Variants in ADGRB3 observed in about 807,000 individuals in gnomAD.
The protein encoded by ADGRB3 is brain-specific angiogenesis inhibitor 3.
In ADGRB3, 37 loss-of-function variants were observed where a neutral mutation model predicts 193.4. That is an observed-to-expected ratio of 0.19 (90% CI 0.15 to 0.25). The LOEUF (loss-of-function observed/expected upper bound fraction) is 0.25, where lower values mean the gene tolerates loss of function less well. Among genes scored for constraint, ADGRB3 ranks in the 10% least tolerant of loss-of-function variants. ADGRB3 has a pLI of 1.00. For synonymous variants in ADGRB3, 690 were observed against 644.2 expected (o/e 1.07, Z -1.08); for missense variants, 1,637 against 1,852.9 (o/e 0.88, Z 2.14).
chr6:68,939,398 A>G (rs942960141), intron 5 of ADGRB3, among the ~76,000 whole-genome samples: 1 of 152,060 alleles, frequency 6.6e-6, no homozygotes, highest in African/African-American at 2.4e-5. Context: ...ACTGCATACC[A>G]ATTACTAGCC....
In ADGRB3 at chr6:68,986,059, C is replaced by T. The variant is rs367857460; in HGVS notation, c.1735-7709C>T. ...CCTTTGCTCAGGATTGCAGTTTTGT[C>T]AAATTCTAGCCAAAAACTCTGAAAT... is the stretch of plus-strand genomic sequence containing the variant. On this transcript the variant is annotated intron_variant, in intron 10 of 31. Transcript: ENST00000370598. Among the ~76,000 whole-genome samples, 6 of 152,216 alleles carry T rather than the reference C, an allele frequency of 3.9e-5. No homozygotes were observed. In the East Asian group the frequency reaches 9.7e-4, roughly 24 times the overall value.
intron 26 of ADGRB3, among the ~76,000 whole-genome samples, chr6:69,348,860 G>T (rs1769164298): frequency 6.6e-6 from 1 of 152,174 alleles, no homozygotes; most frequent in African/African-American, 2.4e-5. Flanking sequence ...AATCATAAAA[G>T]GTTGGAAATT....
rs138453034 is a variant in ADGRB3, at chr6:68,669,804, G to C, written c.757+30372G>C. Reference sequence around the variant, plus strand: ...TTCTTTTGGGTATATACCCAACAGTGAATATGGTAGCTCAATTTTTAGATT... The same window carrying C: ...TTCTTTTGGGTATATACCCAACAGTCAATATGGTAGCTCAATTTTTAGATT... On this transcript the variant is annotated intron_variant, in intron 3 of 31. Transcript: ENST00000370598. Among the ~76,000 whole-genome samples, 3 of 151,838 alleles carry C rather than the reference G, an allele frequency of 2.0e-5. No homozygotes were observed. The East Asian group carries it at 5.8e-4, about 30-fold the overall frequency.
intron 6 of ADGRB3, among the ~76,000 whole-genome samples, chr6:68,946,231 C>T (rs1319545933): frequency 1.3e-5 from 2 of 151,854 alleles, no homozygotes; most frequent in South Asian, 2.1e-4. Flanking sequence ...AAAAAATCGA[C>T]GTTATGATTT....
At chr6:69,310,802 G>A (rs997584929) in intron 20 of ADGRB3, among the ~76,000 whole-genome samples, 10 of 151,540 alleles carry the variant, frequency 6.6e-5, no homozygotes, top group Non-Finnish European at 1.5e-4. Context: ...AGGAAACCAT[G>A]GTAAAGAAAA....
intron 16 of ADGRB3, among the ~76,000 whole-genome samples, chr6:69,073,674 A>G (rs1328743663): frequency 1.3e-5 from 2 of 152,118 alleles, no homozygotes; most frequent in Non-Finnish European, 2.9e-5. Flanking sequence ...TATACTGCAC[A>G]GGCCTTGGAA....
intron 17 of ADGRB3, among the ~76,000 whole-genome samples, chr6:69,148,423 ACT>A (rs1774568921): frequency 6.6e-6 from 1 of 151,988 alleles, no homozygotes. Context: ...ACTAATAAAA[ACT>A]CTACATTTTA....
intron 17 of ADGRB3, among the ~76,000 whole-genome samples, chr6:69,167,275 A>G (rs972188880): frequency 7.9e-5 from 12 of 152,144 alleles, no homozygotes; most frequent in Non-Finnish European, 1.8e-4. Flanking sequence ...GGATTTTGAG[A>G]ATCAGTTTAA....
intron 5 of ADGRB3, among the ~76,000 whole-genome samples, chr6:68,940,757 T>G (rs1352643318): frequency 1.3e-5 from 2 of 151,874 alleles, no homozygotes; most frequent in African/African-American, 4.8e-5. Flanking sequence ...CCAGACGTGG[T>G]GCCGCGCGCC....
intron 3 of ADGRB3, among the ~76,000 whole-genome samples, chr6:68,738,540 G>A (rs1363212266): frequency 6.6e-6 from 1 of 152,154 alleles, no homozygotes; most frequent in East Asian, 1.9e-4. Flanking sequence ...TGGCTAGAGG[G>A]AGAAGGTCGT....
At chr6:69,140,786 T>TA (rs1774314466) in intron 17 of ADGRB3, among the ~76,000 whole-genome samples, 3 of 152,078 alleles carry the variant, frequency 2.0e-5, no homozygotes, top group Admixed American at 2.0e-4. Flanking sequence ...ATCTACTATG[T>TA]ACCCACAAAA....
chr6:68,874,567 G>C (rs1229330649), intron 3 of ADGRB3, among the ~76,000 whole-genome samples: 2 of 152,008 alleles, frequency 1.3e-5, no homozygotes, highest in East Asian at 3.9e-4. Context: ...TTGGTAAAAT[G>C]CTATTTTACT....
At chr6:68,988,412 C>G (rs1464578977) in intron 10 of ADGRB3, among the ~76,000 whole-genome samples, 8 of 152,014 alleles carry the variant, frequency 5.3e-5, no homozygotes, top group Non-Finnish European at 8.8e-5. Flanking sequence ...AAGACAGAAT[C>G]CATGATTATT....
intron 6 of ADGRB3, among the ~76,000 whole-genome samples, chr6:68,950,604 C>A (rs1305960895): frequency 6.6e-6 from 1 of 152,060 alleles, no homozygotes; most frequent in East Asian, 1.9e-4. Flanking sequence ...CTAGTCTAAC[C>A]CAGTTCAATA....
Position 69,152,777 on chromosome 6 carries a change from T to C in ADGRB3, c.2480+76739T>C, listed in dbSNP as rs150820752. Among the ~76,000 whole-genome samples the C allele has an allele frequency of 9.5e-3, 1,443 of 152,318 alleles. 26 individuals are homozygous for C. Among genetic ancestry groups the C allele is most frequent in the African/African-American group, 0.033 (1,377 of 41,566 alleles). ...AATTTTATATACTACTTTACAACAG[T>C]CTTTGGTTGAATGTCCAAAAAGCAG... On this transcript the variant is annotated intron_variant, in intron 17 of 31. Transcript: ENST00000370598.
chr6:69,275,027 CA>C (rs1458502064), intron 20 of ADGRB3, among the ~76,000 whole-genome samples: 4 of 152,282 alleles, frequency 2.6e-5, no homozygotes, highest in African/African-American at 9.6e-5. Flanking sequence ...CCCCCTACCA[CA>C]GCCCACCCAA....
At chr6:69,030,003 C>CACAT (rs754945190) in intron 13 of ADGRB3, among the ~76,000 whole-genome samples, 6 of 147,818 alleles carry the variant, frequency 4.1e-5, no homozygotes, top group Non-Finnish European at 6.1e-5. Flanking sequence ...CACACACACA[C>CACAT]ATATATATAT....
At chr6:69,262,994 T>C (rs749874211) in intron 20 of ADGRB3, among the ~76,000 whole-genome samples, 1 of 151,972 alleles carries the variant, frequency 6.6e-6, no homozygotes, top group African/African-American at 2.4e-5. Context: ...AAAGGAACCA[T>C]TTTAAATTTG....
intron 30 of ADGRB3, among the ~76,000 whole-genome samples, chr6:69,377,109 A>C (rs183668899): frequency 6.6e-6 from 1 of 152,216 alleles, no homozygotes; most frequent in Admixed American, 6.5e-5. Context: ...CACTTTAAGA[A>C]CTAAGCTAAA....
Sources: gnomAD v4.1 joint callset for allele counts (sites outside exome capture counted in the v4.1 genomes callset) on GRCh38, gnomAD v4.1.1 for gene constraint, MANE v1.5 for transcripts, NCBI Gene and HGNC (gene_info 2026-07-23, HGNC 2026-07-21) for gene names.